RPS6KA3: variants seen among roughly 807,000 people sequenced by gnomAD.
The protein encoded by RPS6KA3 is ribosomal protein S6 kinase alpha-3.
A neutral mutation model predicts 67.2 loss-of-function variants in RPS6KA3; 4 were observed. The ratio of observed to expected loss-of-function variants is 0.06; its 90% CI spans 0.03 to 0.14. RPS6KA3 has a LOEUF of 0.14. RPS6KA3 is among the 10% of genes least tolerant of loss of function. The pLI is 1.00. For synonymous variants in RPS6KA3, 182 were observed against 183.7 expected (o/e 0.99, Z 0.07); for missense variants, 204 against 559.0 (o/e 0.36, Z 6.40).
Position 20,154,799 on chromosome X carries a change from C to T in RPS6KA3, c.*599G>A, listed in dbSNP as rs746567964. 8.7e-6 allele frequency: 1 copy of T among 115,418 alleles called. No homozygotes were observed. Among genetic ancestry groups the T allele is most frequent in the South Asian group, 3.3e-4 (1 of 2,993 alleles). 9.5% of individuals were successfully genotyped at this position (115,418 alleles called of 1,213,427 possible). ...ACAATCTGGCCATTTTTAGGACTGTCCAACAATACTGTTAATCCAGGTGAA... is the reference window on the plus strand; with the variant it reads ...ACAATCTGGCCATTTTTAGGACTGTTCAACAATACTGTTAATCCAGGTGAA... On this transcript the variant is annotated 3_prime_UTR_variant, in exon 22 of 22. Transcript: ENST00000379565.
At chrX:20,208,952 A>G (rs1016040993) in intron 3 of RPS6KA3, among the ~76,000 whole-genome samples, 7 of 110,922 alleles carry the variant, frequency 6.3e-5, no homozygotes, top group African/African-American at 2.3e-4. Flanking sequence ...GTATTGCAAG[A>G]TCACCTTCCA....
intron 9 of RPS6KA3, among the ~76,000 whole-genome samples, chrX:20,187,325 T>G (rs1320102546): frequency 1.8e-5 from 2 of 111,445 alleles, no homozygotes; most frequent in African/African-American, 6.5e-5. Flanking sequence ...TTCTAGCGAT[T>G]CTCCAGCCTC....
chrX:20,158,921 T>G (rs1466269649), intron 20 of RPS6KA3, among the ~76,000 whole-genome samples: 3 of 111,729 alleles, frequency 2.7e-5, no homozygotes, highest in Non-Finnish European at 5.6e-5. Flanking sequence ...GACTTCTCTT[T>G]TAAGACCTAT....
intron 14 of RPS6KA3, among the ~76,000 whole-genome samples, chrX:20,173,116 C>T (rs2067612498): frequency 8.9e-6 from 1 of 112,117 alleles, no homozygotes; most frequent in Non-Finnish European, 1.9e-5. Flanking sequence ...ATTTGCACAA[C>T]AGAAAAAGCA....
chrX:20,259,346 T>C (rs12843725), intron 1 of RPS6KA3, among the ~76,000 whole-genome samples: 1 of 111,450 alleles, frequency 9.0e-6, no homozygotes, highest in African/African-American at 3.3e-5. Context: ...GTACAGGCCA[T>C]TTAGTAGGGG....
chrX:20,191,136 C>T (rs748417238), intron 7 of RPS6KA3, among the ~76,000 whole-genome samples: 39 of 110,969 alleles, frequency 3.5e-4, no homozygotes, highest in Non-Finnish European at 4.7e-4. Flanking sequence ...TTTTCTGTTC[C>T]TGTGTTAGTT....
At chrX:20,214,912 C>T (rs1485992378) in intron 2 of RPS6KA3, among the ~76,000 whole-genome samples, 1 of 104,250 alleles carries the variant, frequency 9.6e-6, no homozygotes, top group Non-Finnish European at 2.0e-5. Flanking sequence ...GATCTCAGCT[C>T]ACTGCAGCCT....
At chrX:20,226,426 C>T (rs953500436) in intron 2 of RPS6KA3, among the ~76,000 whole-genome samples, 1 of 111,750 alleles carries the variant, frequency 8.9e-6, no homozygotes, top group Admixed American at 9.5e-5. Flanking sequence ...TCGGGCTCTC[C>T]TTTATGACTA....
At chrX:20,229,056 T>C (rs897086031) in intron 2 of RPS6KA3, among the ~76,000 whole-genome samples, 2 of 111,405 alleles carry the variant, frequency 1.8e-5, no homozygotes, top group African/African-American at 3.3e-5. Context: ...AGTTAGAATA[T>C]GGACTAAGCT....
At chrX:20,197,026 G>C (rs2068292231) in intron 4 of RPS6KA3, among the ~76,000 whole-genome samples, 2 of 111,884 alleles carry the variant, frequency 1.8e-5, no homozygotes, top group Non-Finnish European at 3.8e-5. Context: ...TTGTGGTAGA[G>C]ACGGGGTTTC....
At chrX:20,251,755 A>G (rs187930714) in intron 1 of RPS6KA3, among the ~76,000 whole-genome samples, 14 of 112,889 alleles carry the variant, frequency 1.2e-4, no homozygotes, top group Non-Finnish European at 1.9e-5. Flanking sequence ...GAAACTCTGT[A>G]TCTATTAGAC....
In RPS6KA3 at chrX:20,176,236, C is replaced by T; in HGVS notation, c.1102+14G>A. On this transcript the variant is annotated intron_variant, in intron 13 of 21. Transcript: ENST00000379565. ...TTGTTGTCTTATATTTGGATTTTCA[C>T]ATTTTCTCCTTACCTTTGGGAGTTT... is the stretch of plus-strand genomic sequence containing the variant. The T allele has an allele frequency of 9.9e-7, 1 of 1,006,660 alleles. No individual in the cohort carries two copies. Among genetic ancestry groups the T allele is most frequent in the Non-Finnish European group, 1.4e-6 (1 of 708,673 alleles). The allele number at this position is 1,006,660 out of a possible 1,213,427, so 83.0% of individuals were successfully genotyped here. A position where few individuals can be genotyped will look rare whatever the true frequency, so the allele number is the denominator to read the frequency against.
chrX:20,246,327 CCA>C (rs1394366454), intron 1 of RPS6KA3, among the ~76,000 whole-genome samples: 1 of 110,005 alleles, frequency 9.1e-6, no homozygotes, highest in Non-Finnish European at 1.9e-5. Context: ...GTATGCCCAG[CCA>C]CACTGGGTGT....
chrX:20,188,240 AT>A (rs1053129242), intron 8 of RPS6KA3, among the ~76,000 whole-genome samples: 1 of 109,694 alleles, frequency 9.1e-6, no homozygotes, highest in African/African-American at 3.3e-5. Context: ...TGCCCAGCTC[AT>A]TTTTTTGTAT....
At chrX:20,158,120 T>C (rs1285046391) in intron 20 of RPS6KA3, among the ~76,000 whole-genome samples, 1 of 108,578 alleles carries the variant, frequency 9.2e-6, no homozygotes, top group Non-Finnish European at 1.9e-5. Context: ...GTGGGAGAAA[T>C]TTGGGAGGCC....
chrX:20,164,990 C>T lies in RPS6KA3; in HGVS notation c.1673G>A (p.Arg558Gln), dbSNP rs1403980430. 2 of 1,204,583 alleles carry T rather than the reference C, an allele frequency of 1.7e-6. No individual in the cohort carries two copies. The highest frequency in any genetic ancestry group is 2.2e-5 in the Admixed American group (1 of 45,963). Reference sequence around the variant, plus strand: ...TTTTGCAAAGCCAAAATCACAAATTCGAATAGATTCCGGATTACCAGATTC... The same window carrying T: ...TTTTGCAAAGCCAAAATCACAAATTTGAATAGATTCCGGATTACCAGATTC... ...VDESGNPESI[R>Q]ICDFGFAKQL... Residue 558 changes from arginine to glutamine, a missense_variant, in exon 18 of 22, where the codon CGA becomes CAA. Physicochemically the swap from Arg to Gln is conservative, Grantham distance 43 (BLOSUM62 1). Coordinates refer to ENST00000379565, the MANE Select transcript of RPS6KA3 (RefSeq NM_004586.3).
intron 1 of RPS6KA3, among the ~76,000 whole-genome samples, chrX:20,257,005 T>C (rs933848523): frequency 1.8e-5 from 2 of 112,471 alleles, no homozygotes; most frequent in African/African-American, 6.5e-5. Context: ...TGAAAAGTCA[T>C]TAGAATTTGC....
intron 7 of RPS6KA3, among the ~76,000 whole-genome samples, chrX:20,191,011 C>CCCT (rs2068109165): frequency 9.0e-6 from 1 of 110,546 alleles, no homozygotes; most frequent in Admixed American, 9.7e-5. Flanking sequence ...CTAATGCTAT[C>CCCT]CCTCCCCTAG....
In RPS6KA3 at chrX:20,152,246, G is replaced by C. The variant is rs764441745; in HGVS notation, c.*3152C>G. On this transcript the variant is annotated 3_prime_UTR_variant, in exon 22 of 22. Transcript: ENST00000379565. Reference sequence around the variant, plus strand: ...CATATCAAATCTGTTAAAGTTGGGGGTCTGTTGCATTAGAAATAAGACACC... The same window carrying C: ...CATATCAAATCTGTTAAAGTTGGGGCTCTGTTGCATTAGAAATAAGACACC... 1 of 111,929 alleles carries C rather than the reference G, an allele frequency of 8.9e-6. No homozygotes were observed. Among genetic ancestry groups the C allele is most frequent in the South Asian group, 3.8e-4 (1 of 2,654 alleles). 9.2% of individuals were successfully genotyped at this position (111,929 alleles called of 1,213,427 possible).
Sources: gnomAD v4.1 joint callset for allele counts (sites outside exome capture counted in the v4.1 genomes callset) on GRCh38, gnomAD v4.1.1 for gene constraint, MANE v1.5 for transcripts, NCBI Gene and HGNC (gene_info 2026-07-23, HGNC 2026-07-21) for gene names.